CLEC16A: variants seen among roughly 807,000 people sequenced by gnomAD.
The protein encoded by CLEC16A is protein CLEC16A.
Under a neutral mutation model 109.5 loss-of-function variants are expected in CLEC16A, and 51 were observed. The observed-to-expected ratio is 0.47, with a 90% CI of 0.37 to 0.59. CLEC16A has a LOEUF of 0.59. Ranked by LOEUF, CLEC16A falls within the 20% of genes least tolerant of loss-of-function variation. The pLI is 0.00. For missense variants in CLEC16A, 1,339 were observed against 1,394.0 expected (o/e 0.96, Z 0.63); for synonymous variants, 673 against 564.2 (o/e 1.19, Z -2.73).
chr16:11,127,643 C>A lies in CLEC16A; in HGVS notation c.2641+1497C>A, dbSNP rs112291875. 3.9e-5 allele frequency among the ~76,000 whole-genome samples: 6 copies of A among 152,248 alleles called. 1 individual carries two copies. In the East Asian group the frequency reaches 1.2e-3, roughly 29 times the overall value. ...AGCACTTTGGGAGGCTAAGACAAGG[C>A]GGATTGCTTGAGCCCAGGAGTTTGA... On this transcript the variant is annotated intron_variant, in intron 22 of 23. Coordinates refer to ENST00000409790, the MANE Select transcript of CLEC16A (RefSeq NM_015226.3).
chr16:11,132,744 G>A (rs2053301027), intron 22 of CLEC16A, among the ~76,000 whole-genome samples: 1 of 152,190 alleles, frequency 6.6e-6, no homozygotes, highest in Non-Finnish European at 1.5e-5. Context: ...CAGGGGGTGG[G>A]TACAGGGTTG....
chr16:11,043,560 C>G (rs1252415249), intron 15 of CLEC16A, among the ~76,000 whole-genome samples: 2 of 152,146 alleles, frequency 1.3e-5, no homozygotes, highest in African/African-American at 4.8e-5. Flanking sequence ...TTTCCTCTCT[C>G]TCTCATTAAG....
chr16:11,026,771 A>G (rs780504271), intron 13 of CLEC16A, among the ~76,000 whole-genome samples: 5 of 151,316 alleles, frequency 3.3e-5, no homozygotes, highest in African/African-American at 9.7e-5. Context: ...GCTGCTTGTG[A>G]TGAAACTGTA....
chr16:11,132,434 G>A (rs1027328348), intron 22 of CLEC16A, among the ~76,000 whole-genome samples: 5 of 152,060 alleles, frequency 3.3e-5, no homozygotes, highest in Non-Finnish European at 4.4e-5. Context: ...ATGGATAGAC[G>A]TTGTTTTGCT....
At chr16:11,001,813 G>T (rs1277096915) in intron 10 of CLEC16A, among the ~76,000 whole-genome samples, 1 of 152,064 alleles carries the variant, frequency 6.6e-6, no homozygotes, top group East Asian at 1.9e-4. Context: ...GGCCATCTCT[G>T]ACTTTTTAAA....
At chr16:11,127,024 A>T (rs1012124795) in intron 22 of CLEC16A, among the ~76,000 whole-genome samples, 1 of 152,210 alleles carries the variant, frequency 6.6e-6, no homozygotes, top group Non-Finnish European at 1.5e-5. Context: ...ATAATTCATT[A>T]TTTATATGTA....
At chr16:11,064,903 T>C (rs1443030669) in intron 19 of CLEC16A, among the ~76,000 whole-genome samples, 1 of 152,254 alleles carries the variant, frequency 6.6e-6, no homozygotes, top group African/African-American at 2.4e-5. Flanking sequence ...GGGAGTTGGC[T>C]GCTTCCCTGC....
intron 11 of CLEC16A, among the ~76,000 whole-genome samples, chr16:11,013,775 A>G (rs2045579221): frequency 6.6e-6 from 1 of 151,820 alleles, no homozygotes; most frequent in South Asian, 2.1e-4. Flanking sequence ...AAATAAATAA[A>G]TAAAAATACA....
At chr16:11,056,655 T>A (rs2048228003) in intron 18 of CLEC16A, 1 of 152,236 alleles carries the variant, frequency 6.6e-6, no homozygotes, top group African/African-American at 2.4e-5. Flanking sequence ...TTTATCACTA[T>A]TGGCCTTGAG....
chr16:11,038,563 CA>C (rs2047150915), intron 13 of CLEC16A, among the ~76,000 whole-genome samples: 1 of 152,168 alleles, frequency 6.6e-6, no homozygotes, highest in Non-Finnish European at 1.5e-5. Flanking sequence ...GAAATGACAA[CA>C]GGGCTCAAAG....
chr16:10,969,878 T>C (rs1450829894), intron 4 of CLEC16A, among the ~76,000 whole-genome samples: 1 of 152,160 alleles, frequency 6.6e-6, no homozygotes, highest in Non-Finnish European at 1.5e-5. Flanking sequence ...ATATACATCT[T>C]GTAGGGTTAT....
chr16:11,128,724 A>G (rs1007310873), intron 22 of CLEC16A, among the ~76,000 whole-genome samples: 1 of 152,074 alleles, frequency 6.6e-6, no homozygotes, highest in African/African-American at 2.4e-5. Context: ...CTCAGTAGTC[A>G]GGGTCCCCCA....
chr16:11,002,095 T>G (rs1388493978), intron 10 of CLEC16A, among the ~76,000 whole-genome samples: 1 of 152,238 alleles, frequency 6.6e-6, no homozygotes, highest in Admixed American at 6.5e-5. Context: ...TACGTGGTTT[T>G]GAATCCCGGC....
At chr16:11,167,639 GTC>G (rs2068326827) in intron 23 of CLEC16A, among the ~76,000 whole-genome samples, 3 of 152,082 alleles carry the variant, frequency 2.0e-5, no homozygotes, top group Admixed American at 2.0e-4. Context: ...ACCCACCTGT[GTC>G]TCTCCCATCC....
intron 1 of CLEC16A, among the ~76,000 whole-genome samples, chr16:10,957,466 G>A (rs990237864): frequency 6.6e-6 from 1 of 152,194 alleles, no homozygotes; most frequent in African/African-American, 2.4e-5. Flanking sequence ...AATTTCCGAG[G>A]GGGCTCCAGG....
At chr16:11,153,529 C>T (rs889774452) in intron 22 of CLEC16A, among the ~76,000 whole-genome samples, 2 of 151,080 alleles carry the variant, frequency 1.3e-5, no homozygotes, top group African/African-American at 4.9e-5. Context: ...AACAATGAAA[C>T]GTACAGTTGT....
At position 11,129,851 on chromosome 16, in the gene CLEC16A, C is replaced by T. The variant is rs1187534694; in HGVS notation, c.2641+3705C>T. The stretch of plus-strand genomic sequence containing the variant: ...AGTCTTGGCTCACTGCAAGCTCCGC[C>T]TCCCGGGTTCACACCATTCTCCTGC... On this transcript the variant is annotated intron_variant, in intron 22 of 23. Coordinates refer to ENST00000409790, the MANE Select transcript of CLEC16A (RefSeq NM_015226.3). Among the ~76,000 whole-genome samples, 6 of 151,764 alleles carry T rather than the reference C, an allele frequency of 4.0e-5. 1 individual carries two copies. The East Asian group carries it at 1.2e-3, about 29-fold the overall frequency.
chr16:10,960,567 TCTA>T (rs745847757), intron 2 of CLEC16A, among the ~76,000 whole-genome samples: 4 of 152,216 alleles, frequency 2.6e-5, no homozygotes, highest in Non-Finnish European at 4.4e-5. Flanking sequence ...GCCAGGTTTC[TCTA>T]CTATAAAGCT....
At chr16:10,952,507 A>G (rs1041752813) in intron 1 of CLEC16A, among the ~76,000 whole-genome samples, 1 of 152,242 alleles carries the variant, frequency 6.6e-6, no homozygotes, top group African/African-American at 2.4e-5. Flanking sequence ...AATGACAACA[A>G]CAACAAAAAG....
Sources: allele counts gnomAD v4.1 joint callset (sites outside exome capture counted in the v4.1 genomes callset), GRCh38; gene constraint gnomAD v4.1.1; transcripts MANE v1.5; gene names NCBI Gene and HGNC (gene_info 2026-07-23, HGNC 2026-07-21).